Variants in CSNK1G2 observed in about 807,000 individuals in gnomAD.
The protein encoded by CSNK1G2 is casein kinase I isoform gamma-2.
A neutral mutation model predicts 48.0 loss-of-function variants in CSNK1G2; 11 were observed. The ratio of observed to expected loss-of-function variants is 0.23; its 90% confidence interval spans 0.14 to 0.38. The LOEUF is 0.38. Ranked by LOEUF, CSNK1G2 falls within the 10% of genes least tolerant of loss-of-function variation. The pLI, the probability that CSNK1G2 is intolerant of heterozygous loss-of-function variation, is 1.00. For synonymous variants in CSNK1G2, 337 were observed against 254.1 expected, an observed-to-expected ratio of 1.33 and a Z score of -3.10; for missense variants, 446 against 595.5, an observed-to-expected ratio of 0.75 and a Z score of 2.61.
At chr19:1,955,879 C>T (rs1332306452) in intron 1 of CSNK1G2, among the ~76,000 whole-genome samples, 2 of 152,204 alleles carry the variant, frequency 1.3e-5, no homozygotes, top group African/African-American at 4.8e-5. Context: ...GGCCAGTGCT[C>T]ATCCAGGGGG....
chr19:1,948,651 T>A (rs887606534), intron 1 of CSNK1G2, among the ~76,000 whole-genome samples: 3 of 151,526 alleles, frequency 2.0e-5, no homozygotes, highest in African/African-American at 7.3e-5. Context: ...GGGAACATAA[T>A]CCACGTTTGG....
At chr19:1,942,797 C>G (rs144677038) in intron 1 of CSNK1G2, among the ~76,000 whole-genome samples, 11 of 152,150 alleles carry the variant, frequency 7.2e-5, no homozygotes, top group Non-Finnish European at 1.6e-4. Flanking sequence ...TGCCAGGGCC[C>G]CCAGGTTTGA....
intron 2 of CSNK1G2, among the ~76,000 whole-genome samples, chr19:1,974,313 A>G (rs2015677736): frequency 6.6e-6 from 1 of 152,122 alleles, no homozygotes; most frequent in Non-Finnish European, 1.5e-5. Context: ...GCATGGTGGA[A>G]GGCAGGACGG....
In CSNK1G2 at chr19:1,980,301, C is replaced by A; in HGVS notation, c.*98C>A. ...GGGCCCACCCACAGCGGCCCAGGGC[C>A]AGACCCTGGCTGGAAGCCAGAACGC... is the stretch of plus-strand genomic sequence containing the variant. On this transcript the variant is annotated 3_prime_UTR_variant, in exon 12 of 12. Transcript: ENST00000255641. The A allele has an allele frequency of 6.8e-7, 1 of 1,464,102 alleles. No homozygotes were observed. The highest frequency in any genetic ancestry group is 9.5e-7 in the Non-Finnish European group (1 of 1,054,952). The allele number at this position is 1,464,102 out of a possible 1,614,324, so 90.7% of individuals were successfully genotyped here.
intron 1 of CSNK1G2, among the ~76,000 whole-genome samples, chr19:1,958,830 C>A: frequency 1.5e-5 from 1 of 67,396 alleles, no homozygotes; most frequent in Non-Finnish European, 3.1e-5. Flanking sequence ...AGGCACTGTC[C>A]TCCGTTACCC....
intron 1 of CSNK1G2, among the ~76,000 whole-genome samples, chr19:1,947,010 T>C (rs1470919607): frequency 2.0e-5 from 3 of 152,170 alleles, no homozygotes; most frequent in African/African-American, 7.2e-5. Flanking sequence ...TGCTTCAGCC[T>C]CCCTCATAGC....
At chr19:1,974,905 G>A (rs574382693) in intron 2 of CSNK1G2, among the ~76,000 whole-genome samples, 14 of 152,298 alleles carry the variant, frequency 9.2e-5, no homozygotes, top group African/African-American at 2.6e-4. Context: ...GCCAGGCCCC[G>A]TGGGCTCTCC....
At chr19:1,966,537 G>A (rs1197963279) in intron 1 of CSNK1G2, among the ~76,000 whole-genome samples, 1 of 152,162 alleles carries the variant, frequency 6.6e-6, no homozygotes, top group Non-Finnish European at 1.5e-5. Context: ...GGGGTAATGA[G>A]GACAAAGAAC....
chr19:1,953,150 GC>G, intron 1 of CSNK1G2: 1 of 369,468 alleles, frequency 2.7e-6, no homozygotes, highest in Non-Finnish European at 5.3e-6. Context: ...GGTCCCACTC[GC>G]CCCCGGGACC....
intron 1 of CSNK1G2, among the ~76,000 whole-genome samples, chr19:1,941,954 A>T (rs1023905082): frequency 1.3e-4 from 19 of 144,514 alleles, no homozygotes; most frequent in Non-Finnish European, 2.3e-4. Flanking sequence ...GCCCCTGCCC[A>T]CCTGGCCCCA....
intron 2 of CSNK1G2, among the ~76,000 whole-genome samples, chr19:1,976,959 G>A (rs1024343306): frequency 1.3e-5 from 2 of 152,034 alleles, no homozygotes; most frequent in South Asian, 4.1e-4. Context: ...GGCTGGTCTC[G>A]AACTCCCGAC....
chr19:1,977,280 T>A (rs1398889373), intron 2 of CSNK1G2, among the ~76,000 whole-genome samples: 3 of 152,164 alleles, frequency 2.0e-5, no homozygotes, highest in African/African-American at 7.2e-5. Flanking sequence ...TGGGGAGCCC[T>A]CCAGGGCCGT....
intron 1 of CSNK1G2, among the ~76,000 whole-genome samples, chr19:1,948,831 C>T (rs553559767): frequency 3.9e-5 from 6 of 152,234 alleles, no homozygotes; most frequent in Non-Finnish European, 7.3e-5. Flanking sequence ...CGGGAGGACA[C>T]GTGGTCCGCG....
At chr19:1,965,118 G>A (rs1054529332) in intron 1 of CSNK1G2, among the ~76,000 whole-genome samples, 3 of 150,524 alleles carry the variant, frequency 2.0e-5, no homozygotes, top group African/African-American at 4.9e-5. Flanking sequence ...GTTTCCGGCC[G>A]GGCGCGGTGG....
chr19:1,959,172 T>G (rs1333353303), intron 1 of CSNK1G2: 1 of 151,974 alleles, frequency 6.6e-6, no homozygotes, highest in Non-Finnish European at 1.5e-5. Flanking sequence ...AGAGGATATT[T>G]TCATCCTCAT....
In CSNK1G2 at chr19:1,979,744, A is replaced by G; in HGVS notation, c.1003-8A>G. On this transcript the variant is annotated splice_region_variant and splice_polypyrimidine_tract_variant and intron_variant, in intron 9 of 11. Transcript: ENST00000255641. ...AGCCCATCCTGACCCCTGCTCCCTC[A>G]CCCACAGCCGACCCCCATCGGCACC... 1 of 1,604,598 alleles carries G rather than the reference A, an allele frequency of 6.2e-7. No individual in the cohort carries two copies. Among genetic ancestry groups the G allele is most frequent in the Non-Finnish European group, 8.5e-7 (1 of 1,179,356 alleles).
chr19:1,942,664 G>A (rs908439664), intron 1 of CSNK1G2: 1 of 152,284 alleles, frequency 6.6e-6, no homozygotes, highest in African/African-American at 2.4e-5. Context: ...GCCACGGGAA[G>A]GCGCTCGGAT....
intron 1 of CSNK1G2, among the ~76,000 whole-genome samples, chr19:1,948,103 C>G (rs1298404028): frequency 6.6e-6 from 1 of 152,142 alleles, no homozygotes; most frequent in Admixed American, 6.5e-5. Context: ...GGGGCGGCCC[C>G]GCCCTGGGCT....
At chr19:1,945,480 C>T (rs1286313439) in intron 1 of CSNK1G2, among the ~76,000 whole-genome samples, 1 of 152,220 alleles carries the variant, frequency 6.6e-6, no homozygotes, top group Non-Finnish European at 1.5e-5. Flanking sequence ...CCAGCGGCCT[C>T]CCTGCACCGT....
Sources: allele counts gnomAD v4.1 joint callset (sites outside exome capture counted in the v4.1 genomes callset), GRCh38; gene constraint gnomAD v4.1.1; transcripts MANE v1.5; gene names NCBI Gene and HGNC (gene_info 2026-07-23, HGNC 2026-07-21).